Variants in PIGN observed in about 807,000 individuals in gnomAD.
PIGN encodes the protein GPI ethanolamine phosphate transferase 1.
In PIGN, 117 loss-of-function variants were observed where a neutral mutation model predicts 125.4. That is an observed-to-expected ratio of 0.93 (90% CI 0.80 to 1.09). The LOEUF (loss-of-function observed/expected upper bound fraction) is 1.09. Among genes scored for constraint, PIGN ranks in the 50% least tolerant of loss-of-function variants. The pLI, the probability that PIGN is intolerant of heterozygous loss-of-function variation, is 0.00. For missense variants in PIGN, 1,075 were observed against 1,094.9 expected, an observed-to-expected ratio of 0.98 and a Z score of 0.26; for synonymous variants, 392 against 377.8, an observed-to-expected ratio of 1.04 and a Z score of -0.44.
chr18:62,051,420 T>C (rs1438140510), intron 30 of PIGN, among the ~76,000 whole-genome samples: 1 of 152,148 alleles, frequency 6.6e-6, no homozygotes, highest in Non-Finnish European at 1.5e-5. Context: ...TCTTCCTGGT[T>C]TAGTCTTGGG....
intron 6 of PIGN, among the ~76,000 whole-genome samples, chr18:62,155,673 C>A (rs1318527312): frequency 6.6e-6 from 1 of 152,188 alleles, no homozygotes; most frequent in Non-Finnish European, 1.5e-5. Context: ...CATTCCTCTT[C>A]CCACATCCCA....
At chr18:62,113,712 G>T (rs2034972883) in intron 15 of PIGN, among the ~76,000 whole-genome samples, 1 of 151,972 alleles carries the variant, frequency 6.6e-6, no homozygotes, top group Non-Finnish European at 1.5e-5. Flanking sequence ...ACATCATTAA[G>T]TAGCTTAATA....
chr18:62,079,347 G>C (rs987975580), intron 28 of PIGN, among the ~76,000 whole-genome samples: 2 of 152,164 alleles, frequency 1.3e-5, no homozygotes, highest in African/African-American at 4.8e-5. Context: ...ATCACAAAAT[G>C]TATCACCAGT....
At chr18:62,126,616 G>A (rs930663558) in intron 14 of PIGN, among the ~76,000 whole-genome samples, 1 of 152,014 alleles carries the variant, frequency 6.6e-6, no homozygotes, top group African/African-American at 2.4e-5. Flanking sequence ...CACTTCCTAC[G>A]CTTTCCCTCT....
chr18:62,105,645 G>GA lies in PIGN; in HGVS notation c.1768-12dup. On this transcript the variant is annotated splice_polypyrimidine_tract_variant and intron_variant, in intron 19 of 30. Transcript: ENST00000640252. ...ACTCAGTGAGGTCATCTAAAATCAA[G>GA]AAAAAAGTTATCTTTAGACAAATAT... 2 of 1,496,190 alleles carry GA rather than the reference G, an allele frequency of 1.3e-6. No individual in the cohort carries two copies. Among genetic ancestry groups the GA allele is most frequent in the Non-Finnish European group, 1.8e-6 (2 of 1,104,072 alleles). 92.7% of individuals were successfully genotyped at this position (1,496,190 alleles called of 1,614,324 possible).
intron 7 of PIGN, among the ~76,000 whole-genome samples, chr18:62,150,145 C>G (rs1485016837): frequency 6.6e-6 from 1 of 152,088 alleles, no homozygotes; most frequent in African/African-American, 2.4e-5. Context: ...CCATGCTCGG[C>G]TAATTTTTTT....
At chr18:62,065,367 G>T (rs1426591011) in intron 30 of PIGN, among the ~76,000 whole-genome samples, 1 of 152,172 alleles carries the variant, frequency 6.6e-6, no homozygotes, top group Admixed American at 6.5e-5. Flanking sequence ...CAACAGAATG[G>T]AACCCATGAT....
chr18:62,076,068 T>G (rs1371277715), intron 28 of PIGN: 2 of 152,208 alleles, frequency 1.3e-5, no homozygotes, highest in Admixed American at 6.5e-5. Flanking sequence ...CCCAAGTAGC[T>G]GGGACTACAG....
At chr18:62,056,261 A>G (rs929801923) in intron 30 of PIGN, among the ~76,000 whole-genome samples, 1 of 151,904 alleles carries the variant, frequency 6.6e-6, no homozygotes, top group African/African-American at 2.4e-5. Context: ...TACGGGCATT[A>G]GAATCAACAG....
rs956602452 is a variant in PIGN, at chr18:62,043,915, T to A, written c.*1941A>T. On this transcript the variant is annotated 3_prime_UTR_variant, in exon 31 of 31. Transcript: ENST00000640252. ...AAAAAATAAATACCTTAAATAGAAATACTTTTTCCCTAACTCGTTTCTTTT... is the reference window on the plus strand; with the variant it reads ...AAAAAATAAATACCTTAAATAGAAAAACTTTTTCCCTAACTCGTTTCTTTT... The A allele has an allele frequency of 6.6e-6, 1 of 152,346 alleles. No homozygotes were observed. The highest frequency in any genetic ancestry group is 2.1e-4 in the South Asian group (1 of 4,830). The allele number at this position is 152,346 out of a possible 1,614,324, so 9.4% of individuals were successfully genotyped here. A position where few individuals can be genotyped will look rare whatever the true frequency, so the allele number is the denominator to read the frequency against.
chr18:62,104,198 T>C (rs1261577991), intron 20 of PIGN, among the ~76,000 whole-genome samples: 5 of 152,224 alleles, frequency 3.3e-5, no homozygotes, highest in Non-Finnish European at 7.3e-5. Flanking sequence ...GGAAACAATA[T>C]AATTTTCTAA....
intron 30 of PIGN, among the ~76,000 whole-genome samples, chr18:62,058,037 CT>C (rs1308918846): frequency 4.6e-5 from 7 of 150,956 alleles, no homozygotes; most frequent in Non-Finnish European, 8.9e-5. Context: ...CTGACACTGT[CT>C]TGCTATCACT....
chr18:62,026,941 G>A (rs1334766681), intron 23 of PIGN, among the ~76,000 whole-genome samples: 1 of 152,174 alleles, frequency 6.6e-6, no homozygotes, highest in African/African-American at 2.4e-5. Flanking sequence ...GGTGGCTCAC[G>A]CCTGTAATTC....
intron 30 of PIGN, among the ~76,000 whole-genome samples, chr18:62,068,067 A>G (rs2032629133): frequency 6.6e-6 from 1 of 151,990 alleles, no homozygotes; most frequent in Admixed American, 6.6e-5. Flanking sequence ...GTGGAGGCAC[A>G]TATATCATAG....
intron 30 of PIGN, chr18:62,052,461 CTTCT>C (rs1471816837): frequency 1.3e-5 from 2 of 148,654 alleles, no homozygotes; most frequent in Non-Finnish European, 3.0e-5. Flanking sequence ...ATGTAATGGC[CTTCT>C]TTGTCTCTTT....
At chr18:62,178,579 G>T (rs1420331194) in intron 1 of PIGN, among the ~76,000 whole-genome samples, 2 of 149,940 alleles carry the variant, frequency 1.3e-5, no homozygotes, top group Non-Finnish European at 3.0e-5. Context: ...AGGCTAGCCT[G>T]GGAACATAGC....
intron 1 of PIGN, among the ~76,000 whole-genome samples, chr18:62,177,173 C>T (rs553246614): frequency 1.3e-5 from 2 of 152,164 alleles, no homozygotes; most frequent in East Asian, 1.9e-4. Flanking sequence ...AGATGGTGTC[C>T]CATAGGTCCC....
chr18:62,096,110 CATG>C (rs2034176148), intron 22 of PIGN, among the ~76,000 whole-genome samples, 160 bp from the exon 23 acceptor site: 1 of 152,106 alleles, frequency 6.6e-6, no homozygotes, highest in African/African-American at 2.4e-5. Flanking sequence ...GCCTTGCCAA[CATG>C]ATAAAACCCC....
At chr18:62,116,818 C>T (rs897026412) in intron 14 of PIGN, among the ~76,000 whole-genome samples, 11 of 151,884 alleles carry the variant, frequency 7.2e-5, no homozygotes, top group African/African-American at 2.2e-4. Context: ...GACTACCATA[C>T]GTTGCCATTT....
Sources: allele counts gnomAD v4.1 joint callset (sites outside exome capture counted in the v4.1 genomes callset), GRCh38; gene constraint gnomAD v4.1.1; transcripts MANE v1.5; gene names NCBI Gene and HGNC (gene_info 2026-07-23, HGNC 2026-07-21).